LMNTD1: variants seen among roughly 807,000 people sequenced by gnomAD.
The protein encoded by LMNTD1 is lamin tail domain-containing protein 1.
A neutral mutation model predicts 50.9 loss-of-function variants in LMNTD1; 35 were observed. The observed-to-expected ratio is 0.69, with a 90% CI of 0.53 to 0.91. LMNTD1 has a LOEUF of 0.91. LMNTD1 is among the 40% of genes least tolerant of loss of function. LMNTD1 has a pLI of 0.00. For missense variants in LMNTD1, 470 were observed against 475.5 expected (o/e 0.99, Z 0.11); for synonymous variants, 153 against 161.9 (o/e 0.94, Z 0.42).
intron 2 of LMNTD1, among the ~76,000 whole-genome samples, chr12:25,549,766 CA>C (rs752115934): frequency 7.0e-4 from 106 of 152,104 alleles, no homozygotes; most frequent in Non-Finnish European, 1.3e-3. Context: ...TGAAAATTAA[CA>C]AATTTCTATT....
At chr12:25,591,819 GAGAGA>G (rs1222506554) in intron 1 of LMNTD1, among the ~76,000 whole-genome samples, 2 of 127,778 alleles carry the variant, frequency 1.6e-5, no homozygotes, top group Admixed American at 1.5e-4. Flanking sequence ...AACAGAGAGA[GAGAGA>G]GAGAGAGAGA....
chr12:25,644,724 A>G (rs2136634447), intron 1 of LMNTD1, among the ~76,000 whole-genome samples: 1 of 152,186 alleles, frequency 6.6e-6, no homozygotes, highest in East Asian at 1.9e-4. Flanking sequence ...TGCAGAATAG[A>G]AGGAGTTTAA....
intron 1 of LMNTD1, among the ~76,000 whole-genome samples, chr12:25,628,076 C>T (rs373759046): frequency 1.6e-5 from 2 of 128,668 alleles, no homozygotes; most frequent in East Asian, 4.5e-4. Context: ...CCACTGCACT[C>T]CAGCCTGGGC....
At chr12:25,612,530 C>G (rs1237924649) in intron 1 of LMNTD1, among the ~76,000 whole-genome samples, 2 of 152,126 alleles carry the variant, frequency 1.3e-5, no homozygotes, top group Non-Finnish European at 2.9e-5. Context: ...CTGAGTCACT[C>G]AGGTAATGTA....
intron 1 of LMNTD1, chr12:25,592,651 C>T (rs1233852917): frequency 6.6e-6 from 1 of 152,542 alleles, no homozygotes; most frequent in Non-Finnish European, 1.5e-5. Context: ...GGAAAAAGGC[C>T]ACAGGGAGCA....
chr12:25,616,076 C>T (rs371305868), intron 1 of LMNTD1, among the ~76,000 whole-genome samples: 2 of 143,110 alleles, frequency 1.4e-5, no homozygotes, highest in Non-Finnish European at 3.0e-5. Context: ...CTCACCCTCC[C>T]ACCCCGACAC....
intron 6 of LMNTD1, among the ~76,000 whole-genome samples, chr12:25,525,712 C>T (rs1344949580): frequency 6.6e-6 from 1 of 151,914 alleles, no homozygotes; most frequent in Non-Finnish European, 1.5e-5. Flanking sequence ...ATCGGGTGAG[C>T]TAAGAGGATG....
chr12:25,526,655 T>C, intron 5 of LMNTD1, 114 bp downstream of exon 5: 1 of 661,054 alleles, frequency 1.5e-6, no homozygotes, highest in Non-Finnish European at 2.4e-6. Context: ...AATCACATCT[T>C]ACGTACAGAT....
At chr12:25,541,418 A>G (rs914508443) in intron 4 of LMNTD1, among the ~76,000 whole-genome samples, 47 of 145,888 alleles carry the variant, frequency 3.2e-4, no homozygotes, top group Admixed American at 2.0e-3. Flanking sequence ...ATAACGCCAC[A>G]TATCTACAAC....
intron 8 of LMNTD1, among the ~76,000 whole-genome samples, chr12:25,508,905 C>G (rs1023014245): frequency 6.6e-6 from 1 of 151,900 alleles, no homozygotes; most frequent in African/African-American, 2.4e-5. Flanking sequence ...CTAAGGTTCT[C>G]TTGTGGGTAT....
At chr12:25,481,964 G>A (rs965628039) in intron 9 of LMNTD1, among the ~76,000 whole-genome samples, 3 of 151,196 alleles carry the variant, frequency 2.0e-5, no homozygotes, top group African/African-American at 7.3e-5. Context: ...ACCCTCAGTT[G>A]AGCAATAATG....
At chr12:25,618,184 T>C (rs982130193) in intron 1 of LMNTD1, among the ~76,000 whole-genome samples, 12 of 152,298 alleles carry the variant, frequency 7.9e-5, no homozygotes, top group Middle Eastern at 3.4e-3. Flanking sequence ...GTGTGGGATT[T>C]TACTCACAAT....
intron 1 of LMNTD1, among the ~76,000 whole-genome samples, chr12:25,602,502 A>G (rs549834728): frequency 8.5e-4 from 129 of 152,150 alleles, no homozygotes; most frequent in Middle Eastern, 3.4e-3. Flanking sequence ...TCAGGAAGTC[A>G]TAGGACTACC....
chr12:25,576,818 G>A (rs905916015), intron 1 of LMNTD1, among the ~76,000 whole-genome samples: 3 of 152,066 alleles, frequency 2.0e-5, no homozygotes, highest in Admixed American at 2.0e-4. Context: ...GGTTTTTATG[G>A]TTTTAGGTCT....
At chr12:25,537,949 G>A (rs1363969832) in intron 4 of LMNTD1, among the ~76,000 whole-genome samples, 10 of 147,924 alleles carry the variant, frequency 6.8e-5, no homozygotes, top group Admixed American at 2.7e-4. Context: ...GAGCCGATGC[G>A]ATCAACTGGA....
intron 1 of LMNTD1, among the ~76,000 whole-genome samples, chr12:25,640,604 A>G (rs934147106): frequency 6.6e-6 from 1 of 152,198 alleles, no homozygotes; most frequent in Non-Finnish European, 1.5e-5. Flanking sequence ...TTAAAAATTT[A>G]TTAGTTATCC....
chr12:25,641,590 A>T (rs1368793409), intron 1 of LMNTD1, among the ~76,000 whole-genome samples: 1 of 152,206 alleles, frequency 6.6e-6, no homozygotes, highest in Non-Finnish European at 1.5e-5. Context: ...AGTTATGATT[A>T]TTAAGCTTAA....
At chr12:25,580,971 C>T (rs1466910648) in intron 1 of LMNTD1, among the ~76,000 whole-genome samples, 1 of 152,174 alleles carries the variant, frequency 6.6e-6, no homozygotes, top group Non-Finnish European at 1.5e-5. Context: ...AAGGACATGG[C>T]ATATAATCCC....
At chr12:25,583,652 C>T (rs1945403310) in intron 1 of LMNTD1, among the ~76,000 whole-genome samples, 2 of 152,168 alleles carry the variant, frequency 1.3e-5, no homozygotes, top group South Asian at 2.1e-4. Context: ...ATGCACCAGC[C>T]TCCGCTGGTA....
Sources: gnomAD v4.1 joint callset for allele counts (sites outside exome capture counted in the v4.1 genomes callset) on GRCh38, gnomAD v4.1.1 for gene constraint, MANE v1.5 for transcripts, NCBI Gene and HGNC (gene_info 2026-07-23, HGNC 2026-07-21) for gene names.